Variants in RASA2 observed in about 807,000 individuals in gnomAD.
RASA2 encodes the protein ras GTPase-activating protein 2.
Under a neutral mutation model 118.2 loss-of-function variants are expected in RASA2, and 155 were observed. That is an observed-to-expected ratio of 1.31 (90% CI 1.15 to 1.50). RASA2 has a LOEUF of 1.50. Ranked by LOEUF, RASA2 falls within the 40% of genes most tolerant of loss-of-function variation. The pLI is 0.00. For missense variants in RASA2, 1,016 were observed against 1,009.6 expected, an observed-to-expected ratio of 1.01 and a Z score of -0.09; for synonymous variants, 353 against 349.1, an observed-to-expected ratio of 1.01 and a Z score of -0.12.
At chr3:141,538,354 A>T (rs2082358785) in intron 4 of RASA2, among the ~76,000 whole-genome samples, 1 of 152,220 alleles carries the variant, frequency 6.6e-6, no homozygotes, top group Non-Finnish European at 1.5e-5. Flanking sequence ...TATACTTTTA[A>T]AATCTGAAAA....
chr3:141,556,012 A>G, intron 7 of RASA2, 100 bp downstream of exon 7: 1 of 894,246 alleles, frequency 1.1e-6, no homozygotes. Context: ...CATTTTATCA[A>G]TTAATGCAGA....
At chr3:141,581,208 AT>A (rs1432129829) in intron 17 of RASA2, 31 bp downstream of exon 17, 2 of 1,360,812 alleles carry the variant, frequency 1.5e-6, no homozygotes, top group East Asian at 2.8e-5. Context: ...AATTGTTAAT[AT>A]TTATTTCATA....
rs572224324 is a variant in RASA2, at chr3:141,602,903, A to G, written c.1934-4775A>G. On this transcript the variant is annotated intron_variant, in intron 19 of 23. Transcript: ENST00000286364. ...TACATGCCTACGTTAGCAGTCAGGC[A>G]GGGATCTGGCAAGTTTATTATCAGG... Among the ~76,000 whole-genome samples, 113 of 152,344 alleles carry G rather than the reference A, an allele frequency of 7.4e-4. 2 individuals carry two copies. The South Asian group carries it at 0.017, about 23-fold the overall frequency.
rs765891037 is a variant in RASA2 at position 141,487,176 on chromosome 3, T to G, written c.93T>G (p.Ser31Arg). The change falls in exon 1 of 24, where the codon AGT (serine) becomes AGG (arginine). Residue 31 changes from serine (S) to arginine (R), a missense_variant. This residue lies in a region of RASA2 where 896 missense variants were observed against 836.4 expected (regional missense o/e 1.07). Transcript: ENST00000286364. ...AGCCCGAGGCCGGGGACCAGGACAGTCGCGAGGTTCGAGTGTTGCAGAGCC... is the reference window on the plus strand; with the variant it reads ...AGCCCGAGGCCGGGGACCAGGACAGGCGCGAGGTTCGAGTGTTGCAGAGCC... ...TAEPEAGDQDSREVRVLQSLR... is the reference protein window; with the variant it reads ...TAEPEAGDQDRREVRVLQSLR... 14 of 1,463,858 alleles carry G rather than the reference T, an allele frequency of 9.6e-6. No homozygotes were observed. The highest frequency in any genetic ancestry group is 1.3e-5 in the Non-Finnish European group (14 of 1,098,736). The allele number at this position is 1,463,858 out of a possible 1,614,324, so 90.7% of individuals were successfully genotyped here.
chr3:141,604,031 A>G (rs2083508600), intron 19 of RASA2, among the ~76,000 whole-genome samples: 1 of 152,232 alleles, frequency 6.6e-6, no homozygotes, highest in African/African-American at 2.4e-5. Flanking sequence ...ATTATGAACA[A>G]TGCAGTTGTG....
In RASA2 at chr3:141,600,584, G is replaced by C. The variant is rs375920475; in HGVS notation, c.1934-7094G>C. ...ATCAGCTCCCTCTTCTCCTTGACGG[G>C]TGCAGGGCAGAGGGCAAAGAGAGCA... On this transcript the variant is annotated intron_variant, in intron 19 of 23. Coordinates refer to ENST00000286364, the MANE Select transcript of RASA2 (RefSeq NM_006506.5). 5.4e-4 allele frequency: 128 copies of C among 235,286 alleles called. 3 individuals are homozygous for C. The highest frequency in any genetic ancestry group is 2.8e-3 in the African/African-American group (121 of 43,174). The allele number at this position is 235,286 out of a possible 1,614,324, so 14.6% of individuals were successfully genotyped here.
chr3:141,606,665 G>C (rs1363554359), intron 19 of RASA2, among the ~76,000 whole-genome samples: 3 of 151,768 alleles, frequency 2.0e-5, no homozygotes, highest in South Asian at 4.2e-4. Flanking sequence ...ATAAATTTTA[G>C]ATTTTATACC....
intron 1 of RASA2, among the ~76,000 whole-genome samples, chr3:141,489,549 C>T (rs897063343): frequency 1.3e-5 from 2 of 152,146 alleles, no homozygotes; most frequent in African/African-American, 4.8e-5. Context: ...TGATAGTGCC[C>T]ACTAGGAGAT....
intron 1 of RASA2, among the ~76,000 whole-genome samples, chr3:141,492,335 C>G (rs2081649454): frequency 6.6e-6 from 1 of 152,146 alleles, no homozygotes; most frequent in African/African-American, 2.4e-5. Flanking sequence ...AAGTTCTATT[C>G]TCTTTTGAGA....
intron 1 of RASA2, among the ~76,000 whole-genome samples, chr3:141,503,446 G>A (rs1300713634): frequency 6.6e-6 from 1 of 152,200 alleles, no homozygotes; most frequent in Non-Finnish European, 1.5e-5. Flanking sequence ...TGTACATAGA[G>A]AGTTGGCTGT....
chr3:141,546,266 C>G (rs1476727999), intron 5 of RASA2, among the ~76,000 whole-genome samples: 2 of 152,158 alleles, frequency 1.3e-5, no homozygotes, highest in African/African-American at 4.8e-5. Flanking sequence ...AACCTCCAAA[C>G]TGTTCTCCAT....
Position 141,613,066 on chromosome 3 carries a change from A to G in RASA2, c.*753A>G, listed in dbSNP as rs930480105. 1.6e-4 allele frequency: 25 copies of G among 152,198 alleles called. No homozygotes were observed. Among genetic ancestry groups the G allele is most frequent in the African/African-American group, 6.0e-4 (25 of 41,444 alleles). 9.4% of individuals were successfully genotyped at this position (152,198 alleles called of 1,614,324 possible). On this transcript the variant is annotated 3_prime_UTR_variant, in exon 24 of 24. Coordinates refer to ENST00000286364, the MANE Select transcript of RASA2 (RefSeq NM_006506.5). The stretch of plus-strand genomic sequence containing the variant: ...CCAGGTACTCATTTTCTTGATTTGA[A>G]AGTTTAACATGACTTCTAAGGACAT...
chr3:141,576,657 G>C (rs1344716581), intron 14 of RASA2, among the ~76,000 whole-genome samples: 1 of 152,212 alleles, frequency 6.6e-6, no homozygotes, highest in Admixed American at 6.5e-5. Flanking sequence ...AAGGGATTCA[G>C]TGTTACCACT....
chr3:141,577,563 A>G lies in RASA2; in HGVS notation c.1590+457A>G, dbSNP rs552812069. Among the ~76,000 whole-genome samples the G allele has an allele frequency of 6.6e-5, 10 of 152,312 alleles. No homozygotes were observed. The South Asian group carries it at 1.7e-3, about 25-fold the overall frequency. On this transcript the variant is annotated intron_variant, in intron 15 of 23. Coordinates refer to ENST00000286364, the MANE Select transcript of RASA2 (RefSeq NM_006506.5). ...CTCTTCTCTAAGAAAGAAGGCTACAAGAGAAATTCCATTTAATTTAGAAAC... is the reference window on the plus strand; with the variant it reads ...CTCTTCTCTAAGAAAGAAGGCTACAGGAGAAATTCCATTTAATTTAGAAAC...
intron 3 of RASA2, among the ~76,000 whole-genome samples, chr3:141,523,173 G>T (rs2082136412): frequency 6.6e-6 from 1 of 151,284 alleles, no homozygotes; most frequent in Non-Finnish European, 1.5e-5. Flanking sequence ...CTGTTGTCCA[G>T]GCTGGAGTGC....
In RASA2 at chr3:141,586,627, A is replaced by C. The variant is rs2083206606; in HGVS notation, c.1827-19A>C. 2.6e-6 allele frequency: 4 copies of C among 1,519,510 alleles called. No homozygotes were observed. The highest frequency in any genetic ancestry group is 2.7e-6 in the Non-Finnish European group (3 of 1,103,600). 94.1% of individuals were successfully genotyped at this position (1,519,510 alleles called of 1,614,324 possible). ...TTTTAATTTTTATAGCTAAATGTTTACATCTGTTATGTTGGCAGTGAGATG... is the reference window on the plus strand; with the variant it reads ...TTTTAATTTTTATAGCTAAATGTTTCCATCTGTTATGTTGGCAGTGAGATG... On this transcript the variant is annotated intron_variant, in intron 18 of 23. Transcript: ENST00000286364.
rs1427090343 is a variant in RASA2 at position 141,577,009 on chromosome 3, A to G, written c.1493A>G (p.His498Arg). Residue 498 changes from histidine to arginine, a missense_variant, in exon 15 of 24, where the codon CAT (histidine) becomes CGT (arginine). Physicochemically the swap from His to Arg is conservative, Grantham distance 29 (BLOSUM62 0). This residue lies in a region of RASA2 where 896 missense variants were observed against 836.4 expected (regional missense o/e 1.07). Transcript: ENST00000286364. ...MATQRFPNDP[H>R]VQYSAVSSFV... ...CATTTTTTTCCTGCAGATGACCCTC[A>G]TGTTCAGTATTCTGCAGTGAGCAGC... The G allele has an allele frequency of 1.9e-6, 3 of 1,597,168 alleles. No individual in the cohort carries two copies. Among genetic ancestry groups the G allele is most frequent in the Middle Eastern group, 3.3e-4 (2 of 6,016 alleles).
chr3:141,604,592 C>T (rs2083517544), intron 19 of RASA2, among the ~76,000 whole-genome samples: 2 of 152,104 alleles, frequency 1.3e-5, no homozygotes, highest in Non-Finnish European at 2.9e-5. Context: ...GCATCCTTGC[C>T]TATCAATTTT....
intron 22 of RASA2, 39 bp from the exon 23 acceptor site, chr3:141,609,838 A>G (rs1325819460): frequency 6.8e-7 from 1 of 1,476,720 alleles, no homozygotes; most frequent in Non-Finnish European, 9.0e-7. Context: ...TATAGAATTT[A>G]GTTGTCTGAT....
Sources: gnomAD v4.1 joint callset for allele counts (sites outside exome capture counted in the v4.1 genomes callset) on GRCh38, gnomAD v4.1.1 for gene constraint, gnomAD v4.1.1 regional missense constraint, MANE v1.5 for transcripts, NCBI Gene and HGNC (gene_info 2026-07-23, HGNC 2026-07-21) for gene names.